The following ASPH variants were observed in gnomAD, a reference collection of about 807,000 sequenced individuals.
ASPH encodes aspartyl/asparaginyl beta-hydroxylase.
ASPH carries 100 observed loss-of-function variants against 118.4 expected under a neutral mutation model. That is an observed-to-expected ratio of 0.84 (90% CI 0.72 to 1.00). The LOEUF (loss-of-function observed/expected upper bound fraction) is 1.00. Ranked by LOEUF, ASPH falls within the 50% of genes least tolerant of loss-of-function variation. The pLI is 0.00. For synonymous variants in ASPH, 315 were observed against 325.6 expected (o/e 0.97, Z 0.35); for missense variants, 920 against 919.5 (o/e 1.00, Z -0.01).
At chr8:61,509,802 G>C (rs571315571) in intron 24 of ASPH, among the ~76,000 whole-genome samples, 12 of 152,144 alleles carry the variant, frequency 7.9e-5, no homozygotes, top group East Asian at 7.7e-4. Flanking sequence ...ATGTGAGTAG[G>C]GGGGGAGGGT....
At chr8:61,570,942 T>C (rs1291073691) in intron 16 of ASPH, among the ~76,000 whole-genome samples, 1 of 152,184 alleles carries the variant, frequency 6.6e-6, no homozygotes, top group Non-Finnish European at 1.5e-5. Context: ...ATTTTGGTGA[T>C]ATGAAGAAAA....
chr8:61,651,231 G>T (rs1458235806), intron 4 of ASPH, 107 bp from the exon 5 acceptor site: 6 of 893,952 alleles, frequency 6.7e-6, no homozygotes, highest in South Asian at 3.4e-5. Flanking sequence ...GAATATATTT[G>T]ACTAAGCAAC....
chr8:61,654,822 T>C (rs951176770), intron 3 of ASPH, among the ~76,000 whole-genome samples: 3 of 152,174 alleles, frequency 2.0e-5, no homozygotes, highest in Non-Finnish European at 4.4e-5. Flanking sequence ...ACAGTTGTGT[T>C]CTATACCTAA....
Position 61,503,298 on chromosome 8 carries a change from A to G in ASPH, c.*61T>C, listed in dbSNP as rs547793272. 2.2e-5 allele frequency: 34 copies of G among 1,540,628 alleles called. No individual in the cohort carries two copies. In the African/African-American group the frequency reaches 3.7e-4, roughly 17 times the overall value. ...GTTCGAAATTCTATCCTCACACCCA[A>G]GGAGATGGAACCAGAAAGGCAGCCT... On this transcript the variant is annotated 3_prime_UTR_variant, in exon 25 of 25. Coordinates refer to ENST00000379454, the MANE Select transcript of ASPH (RefSeq NM_004318.4).
At chr8:61,662,250 C>A (rs1817300713) in intron 3 of ASPH, among the ~76,000 whole-genome samples, 1 of 151,984 alleles carries the variant, frequency 6.6e-6, no homozygotes, top group Non-Finnish European at 1.5e-5. Context: ...GAAAAATATG[C>A]CAATAATGTC....
chr8:61,702,719 TG>T (rs1285946319), intron 1 of ASPH, among the ~76,000 whole-genome samples: 1 of 152,238 alleles, frequency 6.6e-6, no homozygotes, highest in Non-Finnish European at 1.5e-5. Flanking sequence ...GTTTTACTCA[TG>T]GATCTATTAA....
At chr8:61,549,721 G>A (rs947534823) in intron 20 of ASPH, among the ~76,000 whole-genome samples, 2 of 152,030 alleles carry the variant, frequency 1.3e-5, no homozygotes, top group East Asian at 1.9e-4. Flanking sequence ...GCTTTTCAGG[G>A]CAAAAGTGAA....
rs114340935 is a variant in ASPH at position 61,678,423 on chromosome 8, G to C, written c.322+2545C>G. ...AAAAATAAGAAGGTATGTAAATGAAGAAAAATGGGCTTAGCACGCTTTCAA... is the reference window on the plus strand; with the variant it reads ...AAAAATAAGAAGGTATGTAAATGAACAAAAATGGGCTTAGCACGCTTTCAA... On this transcript the variant is annotated intron_variant, in intron 3 of 24. Transcript: ENST00000379454. 5.5e-3 allele frequency among the ~76,000 whole-genome samples: 836 copies of C among 152,182 alleles called. 9 individuals are homozygous for C. The highest frequency in any genetic ancestry group is 0.019 in the African/African-American group (785 of 41,532).
chr8:61,676,677 CA>C (rs1825556011), intron 3 of ASPH, among the ~76,000 whole-genome samples: 1 of 151,916 alleles, frequency 6.6e-6, no homozygotes, highest in Non-Finnish European at 1.5e-5. Flanking sequence ...AAAGCAGTAT[CA>C]GGGAAAAAAA....
chr8:61,630,617 A>G (rs1855124081), intron 13 of ASPH, among the ~76,000 whole-genome samples: 1 of 152,204 alleles, frequency 6.6e-6, no homozygotes, highest in East Asian at 1.9e-4. Flanking sequence ...TAGCTTTCAT[A>G]ACGTCCCAGC....
At chr8:61,529,825 C>T (rs937962036) in intron 21 of ASPH, among the ~76,000 whole-genome samples, 1 of 152,178 alleles carries the variant, frequency 6.6e-6, no homozygotes, top group South Asian at 2.1e-4. Flanking sequence ...CTAGCTGCCT[C>T]GACAAATGGT....
intron 3 of ASPH, chr8:61,675,954 T>G: frequency 6.6e-7 from 1 of 1,512,874 alleles, no homozygotes; most frequent in Non-Finnish European, 8.8e-7. Context: ...ATGGTTGACT[T>G]GCACGGTAAG....
At chr8:61,662,838 T>C (rs1022426917) in intron 3 of ASPH, 51 of 983,200 alleles carry the variant, frequency 5.2e-5, no homozygotes, top group Non-Finnish European at 5.9e-5. Flanking sequence ...AGTACTTTAC[T>C]AAATAGCAAT....
At chr8:61,555,822 A>C (rs1827667242) in intron 19 of ASPH, 102 bp downstream of exon 19, 1 of 979,788 alleles carries the variant, frequency 1.0e-6, no homozygotes, top group Non-Finnish European at 1.5e-6. Flanking sequence ...GGATGAAAAT[A>C]CTCAGCAGTG....
intron 21 of ASPH, among the ~76,000 whole-genome samples, chr8:61,539,492 G>A (rs938829038): frequency 1.3e-5 from 2 of 152,070 alleles, no homozygotes; most frequent in African/African-American, 2.4e-5. Context: ...TGCCCTGCTT[G>A]ACCTCTCGGC....
chr8:61,525,066 A>G (rs1392016769), intron 22 of ASPH, among the ~76,000 whole-genome samples: 1 of 152,188 alleles, frequency 6.6e-6, no homozygotes, highest in East Asian at 1.9e-4. Context: ...AAACATTACT[A>G]AAGTAGTTCC....
At chr8:61,571,544 G>A (rs978641861) in intron 16 of ASPH, among the ~76,000 whole-genome samples, 10 of 151,710 alleles carry the variant, frequency 6.6e-5, no homozygotes, top group South Asian at 2.1e-4. Flanking sequence ...ATTTTTATTC[G>A]TATTATTTTA....
chr8:61,610,163 A>C (rs1846880901), intron 14 of ASPH, among the ~76,000 whole-genome samples: 1 of 152,184 alleles, frequency 6.6e-6, no homozygotes, highest in African/African-American at 2.4e-5. Context: ...TTAGCTTTGT[A>C]AAATGTGGAG....
At chr8:61,562,473 G>C (rs996875745) in intron 18 of ASPH, among the ~76,000 whole-genome samples, 1 of 148,690 alleles carries the variant, frequency 6.7e-6, no homozygotes, top group Non-Finnish European at 1.5e-5. Flanking sequence ...ATTTTAGAAA[G>C]ACTATGTATG....
Sources: allele counts gnomAD v4.1 joint callset (sites outside exome capture counted in the v4.1 genomes callset), GRCh38; gene constraint gnomAD v4.1.1; transcripts MANE v1.5; gene names NCBI Gene and HGNC (gene_info 2026-07-23, HGNC 2026-07-21).